The following SUGCT variants were observed in gnomAD, a reference collection of about 807,000 sequenced individuals.
SUGCT encodes succinyl-CoA:glutarate CoA-transferase.
Under a neutral mutation model 55.0 loss-of-function variants are expected in SUGCT, and 41 were observed. The ratio of observed to expected loss-of-function variants is 0.74; its 90% CI spans 0.58 to 0.97. The LOEUF is 0.97. Among genes scored for constraint, SUGCT ranks in the 50% least tolerant of loss-of-function variants. The pLI, the probability that SUGCT is intolerant of heterozygous loss-of-function variation, is 0.00. For missense variants in SUGCT, 568 were observed against 547.8 expected (o/e 1.04, Z -0.37); for synonymous variants, 187 against 200.4 (o/e 0.93, Z 0.56).
the SUGCT span, among the ~76,000 whole-genome samples, chr7:40,929,122 C>T: frequency 6.6e-6 from 1 of 150,854 alleles, no homozygotes; most frequent in East Asian, 2.0e-4. Context: ...TGTGATGTTA[C>T]CCACCCTGTT....
chr7:40,657,977 A>G (rs954260465), intron 12 of SUGCT, among the ~76,000 whole-genome samples: 1 of 152,216 alleles, frequency 6.6e-6, no homozygotes, highest in African/African-American at 2.4e-5. Context: ...GTGATCCATG[A>G]CACAACAGTA....
chr7:40,903,434 C>T, the SUGCT span, among the ~76,000 whole-genome samples: 1 of 152,154 alleles, frequency 6.6e-6, no homozygotes, highest in Non-Finnish European at 1.5e-5. Flanking sequence ...GGCAGTGGCT[C>T]AGTAAGACCA....
At chr7:40,402,020 C>A (rs879916911) in intron 9 of SUGCT, among the ~76,000 whole-genome samples, 5 of 152,126 alleles carry the variant, frequency 3.3e-5, no homozygotes, top group Non-Finnish European at 7.4e-5. Flanking sequence ...CATTAAAACA[C>A]ATTTATTAAA....
chr7:40,166,105 G>A (rs1784412969), intron 1 of SUGCT, among the ~76,000 whole-genome samples: 1 of 152,194 alleles, frequency 6.6e-6, no homozygotes, highest in Non-Finnish European at 1.5e-5. Flanking sequence ...CTGGGTGACA[G>A]AGCTAGACTC....
At chr7:40,907,823 G>A in the SUGCT span, among the ~76,000 whole-genome samples, 4 of 152,138 alleles carry the variant, frequency 2.6e-5, no homozygotes, top group South Asian at 8.3e-4. Flanking sequence ...TCTAAGATAA[G>A]TTTGACATCA....
At chr7:40,626,594 G>A (rs888941375) in intron 12 of SUGCT, among the ~76,000 whole-genome samples, 1 of 152,116 alleles carries the variant, frequency 6.6e-6, no homozygotes, top group Non-Finnish European at 1.5e-5. Context: ...GCTATTTTCA[G>A]CTTTCTCCTG....
At chr7:40,941,865 A>T in the SUGCT span, among the ~76,000 whole-genome samples, 1 of 152,108 alleles carries the variant, frequency 6.6e-6, no homozygotes. Context: ...AATCTGTTTT[A>T]TCTGATATTA....
At chr7:40,733,261 C>T (rs1786989745) in intron 12 of SUGCT, among the ~76,000 whole-genome samples, 1 of 152,132 alleles carries the variant, frequency 6.6e-6, no homozygotes, top group African/African-American at 2.4e-5. Context: ...ATGACTCAGC[C>T]CTTTCTCCCT....
chr7:41,007,547 A>G, the SUGCT span, among the ~76,000 whole-genome samples: 5 of 152,300 alleles, frequency 3.3e-5, no homozygotes, highest in South Asian at 1.0e-3. Context: ...TTGGCACTTC[A>G]TCTAATTTCT....
chr7:40,137,793 C>A (rs961182975), intron 1 of SUGCT, among the ~76,000 whole-genome samples: 2 of 152,104 alleles, frequency 1.3e-5, no homozygotes, highest in African/African-American at 4.8e-5. Flanking sequence ...GCAATCCTTC[C>A]ACCTCAGCCT....
At chr7:40,898,994 T>C in the SUGCT span, among the ~76,000 whole-genome samples, 2 of 150,826 alleles carry the variant, frequency 1.3e-5, no homozygotes, top group East Asian at 3.9e-4. Context: ...GGGAGGGGGG[T>C]CTACAGCCAC....
At chr7:40,898,006 C>T in the SUGCT span, among the ~76,000 whole-genome samples, 108 of 152,272 alleles carry the variant, frequency 7.1e-4, no homozygotes, top group African/African-American at 2.4e-3. Context: ...AGGTTCCCTT[C>T]CGGTGTGAAA....
At chr7:40,667,990 A>G (rs894485141) in intron 12 of SUGCT, among the ~76,000 whole-genome samples, 2 of 152,136 alleles carry the variant, frequency 1.3e-5, no homozygotes, top group African/African-American at 4.8e-5. Context: ...ATACCAAGAA[A>G]CCTGATATTC....
intron 11 of SUGCT, among the ~76,000 whole-genome samples, chr7:40,470,047 C>T (rs370071482): frequency 8.5e-5 from 13 of 152,232 alleles, no homozygotes; most frequent in African/African-American, 2.2e-4. Context: ...TCCCTTGAAA[C>T]GTGGTGGAAG....
At chr7:40,333,759 T>C (rs1796494659) in intron 9 of SUGCT, among the ~76,000 whole-genome samples, 1 of 57,462 alleles carries the variant, frequency 1.7e-5, no homozygotes, top group South Asian at 1.4e-3. Flanking sequence ...GACCAGTGGC[T>C]CTTTTTTTTT....
At chr7:40,191,141 G>A (rs1455756445) in intron 5 of SUGCT, among the ~76,000 whole-genome samples, 4 of 152,026 alleles carry the variant, frequency 2.6e-5, no homozygotes, top group South Asian at 2.1e-4. Context: ...CTCAGCCTGC[G>A]GAGTAGCTGA....
intron 13 of SUGCT, chr7:40,775,805 C>G (rs1562996477): frequency 6.6e-6 from 1 of 152,202 alleles, no homozygotes; most frequent in Non-Finnish European, 1.5e-5. Flanking sequence ...GCAGCAGCAA[C>G]ATAAAATCAC....
Position 40,677,105 on chromosome 7 carries a change from G to A in SUGCT, c.1090-72329G>A, listed in dbSNP as rs561412167. 1.2e-3 allele frequency among the ~76,000 whole-genome samples: 177 copies of A among 152,218 alleles called. 1 individual carries two copies. Among genetic ancestry groups the A allele is most frequent in the African/African-American group, 4.0e-3 (166 of 41,520 alleles). ...ACTCTACAGCTTTTATCATTGCACAGCCTGCATCCCAACAGGCAACAGTTA... is the reference window on the plus strand; with the variant it reads ...ACTCTACAGCTTTTATCATTGCACAACCTGCATCCCAACAGGCAACAGTTA... On this transcript the variant is annotated intron_variant, in intron 12 of 13. Transcript: ENST00000335693.
At chr7:40,221,931 G>A (rs1357987813) in intron 6 of SUGCT, among the ~76,000 whole-genome samples, 1 of 152,244 alleles carries the variant, frequency 6.6e-6, no homozygotes, top group Non-Finnish European at 1.5e-5. Context: ...TGAACTTGGT[G>A]GATGAGTGGA....
Sources: gnomAD v4.1 joint callset for allele counts (sites outside exome capture counted in the v4.1 genomes callset) on GRCh38, gnomAD v4.1.1 for gene constraint, MANE v1.5 for transcripts, NCBI Gene and HGNC (gene_info 2026-07-23, HGNC 2026-07-21) for gene names.